FNIP1: variants seen among roughly 807,000 people sequenced by gnomAD.
The protein encoded by FNIP1 is folliculin interacting protein 1.
A neutral mutation model predicts 124.5 loss-of-function variants in FNIP1; 40 were observed. That is an observed-to-expected ratio of 0.32 (90% CI 0.25 to 0.42). The LOEUF (loss-of-function observed/expected upper bound fraction) is 0.42, where lower values mean the gene tolerates loss of function less well. Among genes scored for constraint, FNIP1 ranks in the 10% least tolerant of loss-of-function variants. The pLI is 1.00. For synonymous variants in FNIP1, 472 were observed against 470.6 expected, an observed-to-expected ratio of 1.00 and a Z score of -0.04; for missense variants, 1,176 against 1,403.7, an observed-to-expected ratio of 0.84 and a Z score of 2.59.
chr5:131,649,243 C>T (rs1013408971), intron 16 of FNIP1, among the ~76,000 whole-genome samples: 7 of 152,282 alleles, frequency 4.6e-5, no homozygotes, highest in African/African-American at 1.2e-4. Context: ...AACTTTTCCA[C>T]GGCTCCAGCA....
chr5:131,760,811 TCA>T (rs1012140021), intron 1 of FNIP1, among the ~76,000 whole-genome samples: 1 of 147,674 alleles, frequency 6.8e-6, no homozygotes, highest in Admixed American at 6.8e-5. Flanking sequence ...AATTAGGGAT[TCA>T]CCACCACCAC....
intron 11 of FNIP1, among the ~76,000 whole-genome samples, chr5:131,697,313 C>T (rs192626443): frequency 3.3e-5 from 5 of 152,166 alleles, no homozygotes; most frequent in African/African-American, 1.2e-4. Context: ...ATTTTTGTGA[C>T]GGGGTCTCAC....
intron 16 of FNIP1, among the ~76,000 whole-genome samples, chr5:131,650,668 G>A (rs1297104692): frequency 1.3e-5 from 2 of 152,156 alleles, no homozygotes; most frequent in Non-Finnish European, 2.9e-5. Flanking sequence ...ACAGAAGTAG[G>A]GAAAGTGGGT....
intron 8 of FNIP1, 104 bp from the exon 9 acceptor site, chr5:131,706,650 G>C (rs1021847928): frequency 2.5e-5 from 30 of 1,180,074 alleles, no homozygotes; most frequent in Non-Finnish European, 2.1e-5. Flanking sequence ...ACTTTATTTT[G>C]CTTCATGAGC....
At chr5:131,793,360 A>T (rs920749357) in intron 1 of FNIP1, among the ~76,000 whole-genome samples, 1 of 152,166 alleles carries the variant, frequency 6.6e-6, no homozygotes, top group Non-Finnish European at 1.5e-5. Context: ...TATATGTACT[A>T]TAGTTATTGG....
chr5:131,678,712 C>A (rs896241143), intron 12 of FNIP1, among the ~76,000 whole-genome samples: 6 of 152,066 alleles, frequency 3.9e-5, no homozygotes, highest in African/African-American at 1.4e-4. Flanking sequence ...GCCTGGCCAT[C>A]CTTAAATGTT....
At chr5:131,765,584 A>G (rs2149574466) in intron 1 of FNIP1, among the ~76,000 whole-genome samples, 1 of 152,372 alleles carries the variant, frequency 6.6e-6, no homozygotes, top group South Asian at 2.1e-4. Flanking sequence ...TTCACATTTT[A>G]AAGAATATTA....
intron 6 of FNIP1, 123 bp from the exon 7 acceptor site, chr5:131,710,784 T>A: frequency 1.6e-6 from 1 of 634,896 alleles, no homozygotes; most frequent in Non-Finnish European, 2.6e-6. Context: ...TGGAAACTTT[T>A]AAACTAAATA....
At chr5:131,667,842 C>T (rs1046839295) in intron 15 of FNIP1, among the ~76,000 whole-genome samples, 8 of 152,200 alleles carry the variant, frequency 5.3e-5, no homozygotes, top group Admixed American at 2.6e-4. Context: ...CCCACCTCGG[C>T]CTCCCAAAGT....
At chr5:131,767,662 G>T (rs1198932344) in intron 1 of FNIP1, among the ~76,000 whole-genome samples, 1 of 152,034 alleles carries the variant, frequency 6.6e-6, no homozygotes, top group East Asian at 1.9e-4. Context: ...TGCTAAACAA[G>T]TGAGTAAATG....
In FNIP1 at chr5:131,672,044, T is replaced by G; in HGVS notation, c.2400A>C (p.Thr800=). The G allele has an allele frequency of 6.2e-7, 1 of 1,614,204 alleles. No individual in the cohort carries two copies. The highest frequency in any genetic ancestry group is 1.1e-5 in the South Asian group (1 of 91,082). The part of the protein sequence containing the change: ...AIDQHQETKQ[T]TKDQSGESDT... ...CAGACTCTCCAGATTGGTCCTTGGT[T>G]GTTTGTTTAGTTTCTTGATGCTGAT... Residue 800 remains threonine, a synonymous_variant, in exon 14 of 18, where the codon ACA becomes ACC. Coordinates refer to ENST00000510461, the MANE Select transcript of FNIP1 (RefSeq NM_133372.3).
In FNIP1 at chr5:131,671,537, ATCT is replaced by A; in HGVS notation, c.2904_2906del (p.Glu968del). On this transcript the variant is annotated inframe_deletion, in exon 14 of 18. Coordinates refer to ENST00000510461, the MANE Select transcript of FNIP1 (RefSeq NM_133372.3). ...AAGGTATCTCATCCTCTTCTGCCCAATCTTCTTGCTCTCCTCCATAATAACTGC... is the reference window on the plus strand; with the variant it reads ...AAGGTATCTCATCCTCTTCTGCCCAATCTTGCTCTCCTCCATAATAACTGC... 1.2e-6 allele frequency: 2 copies of A among 1,612,024 alleles called. No homozygotes were observed. The highest frequency in any genetic ancestry group is 1.7e-6 in the Non-Finnish European group (2 of 1,179,870).
At chr5:131,729,296 C>T (rs1227123245) in intron 3 of FNIP1, among the ~76,000 whole-genome samples, 1 of 152,206 alleles carries the variant, frequency 6.6e-6, no homozygotes, top group Non-Finnish European at 1.5e-5. Flanking sequence ...CCACCCCTTC[C>T]TCCAGGTGCT....
Position 131,672,264 on chromosome 5 carries a change from A to G in FNIP1, c.2180T>C (p.Met727Thr), listed in dbSNP as rs556039418. Residue 727 changes from methionine to threonine, a missense_variant, in exon 14 of 18, where the codon ATG (methionine) becomes ACG (threonine). Physicochemically the swap from Met to Thr is moderately conservative, Grantham distance 81 (BLOSUM62 -1). This residue lies in a region of FNIP1 where 1,109 missense variants were observed against 1,288.5 expected (regional missense o/e 0.86). Coordinates refer to ENST00000510461, the MANE Select transcript of FNIP1 (RefSeq NM_133372.3). ...HTGKAMRSTG[M>T]VVEKKPPDKI... ...ATCTGGAGGTTTTTTTTCCACAACC[A>G]TTCCTGTGGATCTCATTGCTTTGCC... 1.9e-6 allele frequency: 3 copies of G among 1,614,148 alleles called. No homozygotes were observed. The highest frequency in any genetic ancestry group is 1.7e-5 in the Admixed American group (1 of 60,002).
intron 1 of FNIP1, among the ~76,000 whole-genome samples, chr5:131,784,176 T>C (rs1241719193): frequency 6.6e-6 from 1 of 152,076 alleles, no homozygotes; most frequent in African/African-American, 2.4e-5. Flanking sequence ...GGAAACAATA[T>C]GAACTGATCA....
intron 3 of FNIP1, among the ~76,000 whole-genome samples, chr5:131,723,584 T>C (rs541379838): frequency 7.2e-5 from 11 of 152,316 alleles, no homozygotes; most frequent in Admixed American, 4.6e-4. Context: ...ATTATCATTA[T>C]TGTCTATTTT....
At chr5:131,791,974 G>T (rs185199660) in intron 1 of FNIP1, among the ~76,000 whole-genome samples, 1 of 152,082 alleles carries the variant, frequency 6.6e-6, no homozygotes, top group African/African-American at 2.4e-5. Flanking sequence ...AAACTAAGTG[G>T]TTTTTACACA....
intron 11 of FNIP1, among the ~76,000 whole-genome samples, chr5:131,697,510 G>A (rs1024479240): frequency 2.0e-5 from 3 of 152,038 alleles, no homozygotes; most frequent in African/African-American, 7.2e-5. Flanking sequence ...TCCCTATCTA[G>A]GGTAATGAAG....
At chr5:131,667,324 A>T (rs1767631731) in intron 15 of FNIP1, among the ~76,000 whole-genome samples, 1 of 152,224 alleles carries the variant, frequency 6.6e-6, no homozygotes, top group African/African-American at 2.4e-5. Context: ...TTTGATTGGT[A>T]TTCAAAAGCT....
Sources: gnomAD v4.1 joint callset for allele counts (sites outside exome capture counted in the v4.1 genomes callset) on GRCh38, gnomAD v4.1.1 for gene constraint, gnomAD v4.1.1 regional missense constraint, MANE v1.5 for transcripts, NCBI Gene and HGNC (gene_info 2026-07-23, HGNC 2026-07-21) for gene names.